The following CORIN variants were observed in gnomAD, a reference collection of about 807,000 sequenced individuals.
The protein encoded by CORIN is atrial natriuretic peptide-converting enzyme.
CORIN carries 117 observed loss-of-function variants against 125.3 expected under a neutral mutation model. The observed-to-expected ratio is 0.93, with a 90% confidence interval of 0.80 to 1.09. The LOEUF is 1.09. Ranked by LOEUF, CORIN falls within the 50% of genes least tolerant of loss-of-function variation. The pLI is 0.00. For missense variants in CORIN, 1,253 were observed against 1,306.7 expected (o/e 0.96, Z 0.63); for synonymous variants, 450 against 466.4 (o/e 0.96, Z 0.45).
At chr4:47,746,965 A>G (rs926197708) in intron 4 of CORIN, among the ~76,000 whole-genome samples, 1 of 152,214 alleles carries the variant, frequency 6.6e-6, no homozygotes, top group South Asian at 2.1e-4. Flanking sequence ...AAACACAAGG[A>G]AAGGGTAAAT....
intron 1 of CORIN, among the ~76,000 whole-genome samples, chr4:47,815,160 C>G (rs923717718): frequency 3.3e-5 from 5 of 152,124 alleles, no homozygotes; most frequent in African/African-American, 1.2e-4. Flanking sequence ...AAGTCATCTT[C>G]CATTCTTAAC....
At chr4:47,806,438 T>C (rs1166859255) in intron 2 of CORIN, among the ~76,000 whole-genome samples, 1 of 152,256 alleles carries the variant, frequency 6.6e-6, no homozygotes, top group Non-Finnish European at 1.5e-5. Context: ...ATGTGACTCC[T>C]GAACTACTGT....
chr4:47,782,592 G>T (rs1730606879), intron 3 of CORIN, among the ~76,000 whole-genome samples: 1 of 152,078 alleles, frequency 6.6e-6, no homozygotes, highest in South Asian at 2.1e-4. Context: ...ACTTGCACGT[G>T]AATATTCACA....
At chr4:47,775,858 G>T (rs1017636197) in intron 3 of CORIN, among the ~76,000 whole-genome samples, 1 of 152,138 alleles carries the variant, frequency 6.6e-6, no homozygotes, top group African/African-American at 2.4e-5. Flanking sequence ...TAGATTTAAG[G>T]TTTCCATTTC....
intron 16 of CORIN, among the ~76,000 whole-genome samples, chr4:47,636,745 T>A (rs543959501): frequency 6.6e-6 from 1 of 152,284 alleles, no homozygotes; most frequent in East Asian, 1.9e-4. Flanking sequence ...TCCACAGCCA[T>A]ATGGAACTGT....
intron 5 of CORIN, among the ~76,000 whole-genome samples, chr4:47,724,180 T>C (rs1386931722): frequency 6.6e-6 from 1 of 151,970 alleles, no homozygotes; most frequent in African/African-American, 2.4e-5. Flanking sequence ...GAATGAAGGA[T>C]AGAAGTTATC....
chr4:47,790,624 G>A (rs1347247389), intron 2 of CORIN, among the ~76,000 whole-genome samples: 2 of 152,070 alleles, frequency 1.3e-5, no homozygotes, highest in East Asian at 3.8e-4. Context: ...TAAACACTTC[G>A]AATGGCTTTT....
intron 2 of CORIN, among the ~76,000 whole-genome samples, chr4:47,789,351 G>A (rs1202960825): frequency 6.6e-6 from 1 of 152,038 alleles, no homozygotes; most frequent in African/African-American, 2.4e-5. Flanking sequence ...CATAACATCT[G>A]TTTATCCTAA....
chr4:47,757,058 C>T lies in CORIN; in HGVS notation c.617+6321G>A, dbSNP rs367599093. Among the ~76,000 whole-genome samples, 33 of 152,136 alleles carry T rather than the reference C, an allele frequency of 2.2e-4. 1 individual carries two copies. In the South Asian group the frequency reaches 6.8e-3, roughly 32 times the overall value. ...TTAAATAGTATTATGTAGGTATTGTCTCTAGGATGAAATACAAGCAAATCT... is the reference window on the plus strand; with the variant it reads ...TTAAATAGTATTATGTAGGTATTGTTTCTAGGATGAAATACAAGCAAATCT... On this transcript the variant is annotated intron_variant, in intron 4 of 21. Transcript: ENST00000273857.
Position 47,634,547 on chromosome 4 carries a change from T to G in CORIN, c.2198+7373A>C, listed in dbSNP as rs527429293. ...TACTCAGGAGTCTGAGGCAGGAGAA[T>G]CACTTAAACCTGGGAGGTGGAGGTT... On this transcript the variant is annotated intron_variant, in intron 16 of 21. Coordinates refer to ENST00000273857, the MANE Select transcript of CORIN (RefSeq NM_006587.4). Among the ~76,000 whole-genome samples the G allele has an allele frequency of 2.6e-5, 4 of 152,214 alleles. No homozygotes were observed. In the South Asian group the frequency reaches 8.3e-4, roughly 32 times the overall value.
intron 16 of CORIN, among the ~76,000 whole-genome samples, chr4:47,634,802 C>A (rs1335258701): frequency 6.6e-6 from 1 of 152,222 alleles, no homozygotes; most frequent in East Asian, 1.9e-4. Context: ...AAGAGAAAGT[C>A]ATGTACAAAG....
At chr4:47,676,663 A>T (rs556524450) in intron 9 of CORIN, among the ~76,000 whole-genome samples, 1 of 152,216 alleles carries the variant, frequency 6.6e-6, no homozygotes. Context: ...AGTTGAATCC[A>T]TTAAAGTGAA....
chr4:47,658,286 G>A (rs1228981061), intron 12 of CORIN, among the ~76,000 whole-genome samples: 1 of 152,204 alleles, frequency 6.6e-6, no homozygotes, highest in African/African-American at 2.4e-5. Context: ...CCTGCATACA[G>A]GGCACACTGG....
Position 47,634,434 on chromosome 4 carries a change from G to T in CORIN, c.2198+7486C>A, listed in dbSNP as rs191421682. Reference sequence around the variant, plus strand: ...GGATCACGTGAGGTCGGGAGTTCAAGACCAGCCTGATCTACATGGTGAAAC... The same window carrying T: ...GGATCACGTGAGGTCGGGAGTTCAATACCAGCCTGATCTACATGGTGAAAC... On this transcript the variant is annotated intron_variant, in intron 16 of 21. Transcript: ENST00000273857. Among the ~76,000 whole-genome samples the T allele has an allele frequency of 4.4e-3, 664 of 152,304 alleles. 7 individuals are homozygous for T. Among genetic ancestry groups the T allele is most frequent in the South Asian group, 0.024 (115 of 4,824 alleles).
intron 4 of CORIN, among the ~76,000 whole-genome samples, chr4:47,760,277 G>A (rs1345189455): frequency 1.3e-5 from 2 of 152,216 alleles, no homozygotes; most frequent in Non-Finnish European, 2.9e-5. Flanking sequence ...TGCATTGTCA[G>A]TGAGTAGTAA....
chr4:47,770,928 A>C (rs1323316637), intron 3 of CORIN, among the ~76,000 whole-genome samples: 2 of 152,094 alleles, frequency 1.3e-5, no homozygotes, highest in Non-Finnish European at 2.9e-5. Flanking sequence ...TTTCAGTTAG[A>C]CAGGAGAAGT....
chr4:47,781,538 G>T (rs1197138027), intron 3 of CORIN, among the ~76,000 whole-genome samples: 1 of 152,200 alleles, frequency 6.6e-6, no homozygotes, highest in Non-Finnish European at 1.5e-5. Flanking sequence ...AAGCTACAAT[G>T]TTCTATAGGT....
chr4:47,597,858 C>A (rs185294794), intron 21 of CORIN, among the ~76,000 whole-genome samples: 13 of 152,240 alleles, frequency 8.5e-5, no homozygotes, highest in African/African-American at 2.6e-4. Flanking sequence ...CTGTTTTTGT[C>A]CCAGAACAGC....
rs572239466 is a variant in CORIN, at chr4:47,595,619, A to G, written c.*102T>C. On this transcript the variant is annotated 3_prime_UTR_variant, in exon 22 of 22. Transcript: ENST00000273857. ...AGTGCACGATTGAGCATTTCTGTCCATGAAAAGTGCTTCTGTACAGCTCTC... is the reference window on the plus strand; with the variant it reads ...AGTGCACGATTGAGCATTTCTGTCCGTGAAAAGTGCTTCTGTACAGCTCTC... The G allele has an allele frequency of 1.2e-6, 1 of 807,088 alleles. No individual in the cohort carries two copies. Among genetic ancestry groups the G allele is most frequent in the Non-Finnish European group, 1.9e-6 (1 of 538,254 alleles). The allele number at this position is 807,088 out of a possible 1,614,324, so 50.0% of individuals were successfully genotyped here.
Sources: gnomAD v4.1 joint callset for allele counts (sites outside exome capture counted in the v4.1 genomes callset) on GRCh38, gnomAD v4.1.1 for gene constraint, MANE v1.5 for transcripts, NCBI Gene and HGNC (gene_info 2026-07-23, HGNC 2026-07-21) for gene names.